The following CHURC1 variants were observed in gnomAD, a reference collection of about 807,000 sequenced individuals.
The protein encoded by CHURC1 is churchill domain containing 1.
CHURC1 carries 12 observed loss-of-function variants against 15.4 expected under a neutral mutation model. The ratio of observed to expected loss-of-function variants is 0.78; its 90% CI spans 0.50 to 1.27. CHURC1 has a LOEUF of 1.27. CHURC1 is among the 50% of genes most tolerant of loss of function. The pLI is 0.00. For missense variants in CHURC1, 132 were observed against 137.8 expected (o/e 0.96, Z 0.21); for synonymous variants, 42 against 47.5 (o/e 0.88, Z 0.48).
intron 3 of CHURC1, among the ~76,000 whole-genome samples, chr14:64,927,637 C>T (rs1884799083): frequency 6.6e-6 from 1 of 151,434 alleles, no homozygotes; most frequent in Non-Finnish European, 1.5e-5. Context: ...GGCTTGTAGT[C>T]ACGATGCAAG....
chr14:64,932,368 AAAAAGG>A lies in CHURC1; in HGVS notation c.*139_*144del. 4.9e-6 allele frequency: 7 copies of A among 1,437,010 alleles called. No individual in the cohort carries two copies. In the South Asian group the frequency reaches 9.2e-5, roughly 19 times the overall value. 89.0% of individuals were successfully genotyped at this position (1,437,010 alleles called of 1,614,324 possible). On this transcript the variant is annotated 3_prime_UTR_variant, in exon 4 of 4. Coordinates refer to ENST00000549115, the MANE Select transcript of CHURC1 (RefSeq NM_001386928.1). ...CTTAGACTTACTTATTCTTTGAGGA[AAAAAGG>A]TAATGTAGGAGCTCATTGTTCTCTA...
chr14:64,925,605 G>A (rs968882207), intron 2 of CHURC1, among the ~76,000 whole-genome samples: 1 of 145,968 alleles, frequency 6.9e-6, no homozygotes, highest in Non-Finnish European at 1.5e-5. Flanking sequence ...GCTGATTTGG[G>A]AGGATAACTT....
At chr14:64,917,227 T>C (rs1472643833) in intron 1 of CHURC1, among the ~76,000 whole-genome samples, 6 of 151,184 alleles carry the variant, frequency 4.0e-5, no homozygotes, top group Admixed American at 3.9e-4. Context: ...AGCCCAGGAG[T>C]TTGAGACCAG....
intron 1 of CHURC1, among the ~76,000 whole-genome samples, chr14:64,919,061 A>G (rs1474573702): frequency 6.6e-6 from 1 of 152,208 alleles, no homozygotes; most frequent in African/African-American, 2.4e-5. Context: ...AGTTGGAATG[A>G]ACCATACTAA....
At chr14:64,929,016 T>C (rs750184288) in intron 3 of CHURC1, among the ~76,000 whole-genome samples, 1 of 152,092 alleles carries the variant, frequency 6.6e-6, no homozygotes, top group Non-Finnish European at 1.5e-5. Flanking sequence ...TTTTTTTCTT[T>C]GTTTTGCTTG....
At chr14:64,915,033 G>A (rs566134934) in intron 1 of CHURC1, among the ~76,000 whole-genome samples, 1 of 152,244 alleles carries the variant, frequency 6.6e-6, no homozygotes, top group Non-Finnish European at 1.5e-5. Context: ...TTTCCTGCCT[G>A]TTACCGCCTT....
At chr14:64,921,301 AG>A (rs1256957468) in intron 1 of CHURC1, among the ~76,000 whole-genome samples, 1 of 152,196 alleles carries the variant, frequency 6.6e-6, no homozygotes, top group Non-Finnish European at 1.5e-5. Context: ...GAGATGTCTT[AG>A]GAGAAAAAAA....
chr14:64,919,889 G>GA (rs969416306), intron 1 of CHURC1, among the ~76,000 whole-genome samples: 15 of 140,110 alleles, frequency 1.1e-4, no homozygotes, highest in African/African-American at 2.9e-4. Context: ...GTCTCAAAAA[G>GA]AAAAAAAAAG....
intron 2 of CHURC1, among the ~76,000 whole-genome samples, chr14:64,924,854 G>T (rs1884570331): frequency 6.6e-6 from 1 of 152,144 alleles, no homozygotes; most frequent in Non-Finnish European, 1.5e-5. Context: ...TTGTCTCCTG[G>T]TTCTTGGGTA....
At position 64,926,026 on chromosome 14, in the gene CHURC1, T is replaced by C. The variant is rs1221161334; in HGVS notation, c.192T>C (p.Cys64=). ...IVTYDHLCKN[C]HHVIARHEYT... ...TTTTAGCAGATTTGTGTAAGAATTG[T>C]CATCATGTAATAGCCAGACATGAGT... is the stretch of plus-strand genomic sequence containing the variant. Residue 64 remains cysteine (C), a synonymous_variant, in exon 3 of 4, where the codon TGT becomes TGC. Coordinates refer to ENST00000549115, the MANE Select transcript of CHURC1 (RefSeq NM_001386928.1). The C allele has an allele frequency of 6.3e-7, 1 of 1,598,582 alleles. No homozygotes were observed. The highest frequency in any genetic ancestry group is 1.7e-5 in the Admixed American group (1 of 57,722).
chr14:64,916,333 A>G (rs770754906), intron 1 of CHURC1, among the ~76,000 whole-genome samples: 1 of 152,204 alleles, frequency 6.6e-6, no homozygotes, highest in Non-Finnish European at 1.5e-5. Flanking sequence ...CACATGAGAA[A>G]AAGTCTTCCC....
chr14:64,923,973 C>T lies in CHURC1; in HGVS notation c.40-18C>T. On this transcript the variant is annotated intron_variant, in intron 1 of 3. Transcript: ENST00000549115. Reference sequence around the variant, plus strand: ...TTTGAAATGTAAAGAAATTAAATTCCTGTTTCTGATATTTTAGGGTAATAC... The same window carrying T: ...TTTGAAATGTAAAGAAATTAAATTCTTGTTTCTGATATTTTAGGGTAATAC... The T allele has an allele frequency of 6.7e-7, 1 of 1,486,920 alleles. No homozygotes were observed. The highest frequency in any genetic ancestry group is 9.0e-7 in the Non-Finnish European group (1 of 1,112,016). 92.1% of individuals were successfully genotyped at this position (1,486,920 alleles called of 1,614,324 possible). A position where few individuals can be genotyped will look rare whatever the true frequency, so the allele number is the denominator to read the frequency against.
At chr14:64,931,098 G>A (rs1442617662) in intron 3 of CHURC1, among the ~76,000 whole-genome samples, 1 of 152,198 alleles carries the variant, frequency 6.6e-6, no homozygotes, top group African/African-American at 2.4e-5. Context: ...AGCAAACTTA[G>A]CATCAGGTGT....
In CHURC1 at chr14:64,932,412, T is replaced by C; in HGVS notation, c.*182T>C. On this transcript the variant is annotated 3_prime_UTR_variant, in exon 4 of 4. Transcript: ENST00000549115. The stretch of plus-strand genomic sequence containing the variant: ...TCATTGTTCTCTAGAGCTGAGCTCT[T>C]CTGCTAAAGTTCAAAGTTCACATCA... 2 of 1,341,132 alleles carry C rather than the reference T, an allele frequency of 1.5e-6. No individual in the cohort carries two copies. Among genetic ancestry groups the C allele is most frequent in the South Asian group, 3.9e-5 (2 of 50,868 alleles). The allele number at this position is 1,341,132 out of a possible 1,614,324, so 83.1% of individuals were successfully genotyped here.
chr14:64,926,184 G>T, intron 3 of CHURC1, 104 bp downstream of exon 3: 2 of 615,088 alleles, frequency 3.3e-6, no homozygotes, highest in South Asian at 3.0e-5. Flanking sequence ...AGTGCAAAGC[G>T]TTAGCATATA....
chr14:64,918,055 A>G (rs1474605058), intron 1 of CHURC1, among the ~76,000 whole-genome samples: 1 of 152,236 alleles, frequency 6.6e-6, no homozygotes, highest in Non-Finnish European at 1.5e-5. Flanking sequence ...AAAAATGTAG[A>G]GAATCAAGGA....
At position 64,925,693 on chromosome 14, in the gene CHURC1, C is replaced by T. The variant is rs1482032565; in HGVS notation, c.176-317C>T. 1.3e-4 allele frequency among the ~76,000 whole-genome samples: 7 copies of T among 55,830 alleles called. No individual in the cohort carries two copies. The African/African-American group carries it at 2.3e-3, about 18-fold the overall frequency. 36.6% of individuals were successfully genotyped at this position (55,830 alleles called of 152,430 possible). A position where few individuals can be genotyped will look rare whatever the true frequency, so the allele number is the denominator to read the frequency against. On this transcript the variant is annotated intron_variant, in intron 2 of 3. Coordinates refer to ENST00000549115, the MANE Select transcript of CHURC1 (RefSeq NM_001386928.1). ...GCCTGGGCAACAGAGTAAGACCCGGCCTCAAAAAAAAAAAAAAAAAAAAAG... is the reference window on the plus strand; with the variant it reads ...GCCTGGGCAACAGAGTAAGACCCGGTCTCAAAAAAAAAAAAAAAAAAAAAG...
At chr14:64,928,789 C>G (rs1180944597) in intron 3 of CHURC1, among the ~76,000 whole-genome samples, 1 of 152,132 alleles carries the variant, frequency 6.6e-6, no homozygotes, top group African/African-American at 2.4e-5. Flanking sequence ...TGACTTCTTT[C>G]CTTTTTAAAT....
At chr14:64,929,230 CCATAT>C (rs1389792727) in intron 3 of CHURC1, among the ~76,000 whole-genome samples, 1 of 152,176 alleles carries the variant, frequency 6.6e-6, no homozygotes, top group African/African-American at 2.4e-5. Context: ...ATGCTCTTTT[CCATAT>C]TGCTGTCCAT....
Sources: allele counts gnomAD v4.1 joint callset (sites outside exome capture counted in the v4.1 genomes callset), GRCh38; gene constraint gnomAD v4.1.1; transcripts MANE v1.5; gene names NCBI Gene and HGNC (gene_info 2026-07-23, HGNC 2026-07-21).